Variants in VAT1L observed in about 807,000 individuals in gnomAD.
VAT1L encodes the protein vesicle amine transport 1 like.
A neutral mutation model predicts 44.1 loss-of-function variants in VAT1L; 34 were observed. The ratio of observed to expected loss-of-function variants is 0.77; its 90% CI spans 0.59 to 1.03. VAT1L has a LOEUF of 1.03. Ranked by LOEUF, VAT1L falls within the 50% of genes least tolerant of loss-of-function variation. The pLI is 0.00. For missense variants in VAT1L, 615 were observed against 538.8 expected, an observed-to-expected ratio of 1.14 and a Z score of -1.40; for synonymous variants, 253 against 202.2, an observed-to-expected ratio of 1.25 and a Z score of -2.13.
At position 77,879,658 on chromosome 16, in the gene VAT1L, G is replaced by A. The variant is rs2017129068; in HGVS notation, c.882+434G>A. Among the ~76,000 whole-genome samples the A allele has an allele frequency of 6.6e-6, 1 of 152,146 alleles. No individual in the cohort carries two copies. The highest frequency in any genetic ancestry group is 6.6e-5 in the Admixed American group (1 of 15,262). ...TCCTCGTTCATTTCCCATAAAACCT[G>A]CACTCCTGCCCTATTCCCTGCAAAT... On this transcript the variant is annotated intron_variant, in intron 6 of 8. Coordinates refer to ENST00000302536, the MANE Select transcript of VAT1L (RefSeq NM_020927.3). The surrounding 1 kb of genome is among the most constrained non-coding windows in gnomAD (Gnocchi z 4.1).
chr16:77,870,234 A>G (rs2017017400), intron 4 of VAT1L, among the ~76,000 whole-genome samples: 1 of 152,188 alleles, frequency 6.6e-6, no homozygotes, highest in Non-Finnish European at 1.5e-5. Context: ...TAAGAAGCCT[A>G]TCGCGTACCA....
intron 7 of VAT1L, among the ~76,000 whole-genome samples, chr16:77,906,212 T>C (rs149294894): frequency 2.6e-5 from 4 of 152,326 alleles, no homozygotes; most frequent in African/African-American, 9.6e-5. Flanking sequence ...TGTTTTAATG[T>C]TGAGAGCCTG....
At chr16:77,856,476 T>A (rs1270580065) in intron 3 of VAT1L, among the ~76,000 whole-genome samples, 1 of 152,152 alleles carries the variant, frequency 6.6e-6, no homozygotes, top group African/African-American at 2.4e-5. Flanking sequence ...CCTTACTCAG[T>A]ACTTAATATG....
At chr16:77,829,187 A>G (rs1287207518) in intron 3 of VAT1L, among the ~76,000 whole-genome samples, 1 of 152,194 alleles carries the variant, frequency 6.6e-6, no homozygotes, top group Non-Finnish European at 1.5e-5. Flanking sequence ...TTTAACAAAT[A>G]TTTGTTCAAC....
intron 7 of VAT1L, among the ~76,000 whole-genome samples, chr16:77,965,218 GAACA>G (rs111885901): frequency 6.6e-6 from 1 of 152,128 alleles, no homozygotes; most frequent in Non-Finnish European, 1.5e-5. Flanking sequence ...TTGAATGACT[GAACA>G]AATAAATAAA....
chr16:77,877,830 G>T (rs1426054564), intron 5 of VAT1L, among the ~76,000 whole-genome samples: 1 of 152,174 alleles, frequency 6.6e-6, no homozygotes, highest in African/African-American at 2.4e-5. Flanking sequence ...CTCACCAGAG[G>T]CAGGTAAACA....
At chr16:77,953,526 A>C (rs2018068146) in intron 7 of VAT1L, among the ~76,000 whole-genome samples, 1 of 151,668 alleles carries the variant, frequency 6.6e-6, no homozygotes, top group Middle Eastern at 3.4e-3. Context: ...ACCTATTTAC[A>C]TTTCTTTTTG....
intron 7 of VAT1L, among the ~76,000 whole-genome samples, chr16:77,954,913 T>C (rs1380548283): frequency 6.6e-6 from 1 of 152,230 alleles, no homozygotes; most frequent in Non-Finnish European, 1.5e-5. Context: ...TTTTACTTTT[T>C]TTAAAGATCA....
chr16:77,902,966 CTG>C (rs1375518616), intron 7 of VAT1L, among the ~76,000 whole-genome samples: 2 of 117,122 alleles, frequency 1.7e-5, no homozygotes, highest in Non-Finnish European at 3.5e-5. Context: ...GAGGGAGACT[CTG>C]TCTGAAAAAA....
At chr16:77,901,577 G>A (rs1208154957) in intron 7 of VAT1L, among the ~76,000 whole-genome samples, 1 of 152,132 alleles carries the variant, frequency 6.6e-6, no homozygotes, top group Non-Finnish European at 1.5e-5. Flanking sequence ...CTCTTACTTA[G>A]TCTCCTCTCA....
At chr16:77,799,207 G>C (rs1341192777) in intron 1 of VAT1L, among the ~76,000 whole-genome samples, 1 of 147,902 alleles carries the variant, frequency 6.8e-6, no homozygotes, top group East Asian at 2.0e-4. Flanking sequence ...TCCTCTCCCG[G>C]TCCTCCTCCT....
intron 2 of VAT1L, among the ~76,000 whole-genome samples, chr16:77,824,141 A>G (rs1167455089): frequency 6.6e-6 from 1 of 152,232 alleles, no homozygotes; most frequent in Non-Finnish European, 1.5e-5. Flanking sequence ...GTCCTAAAGG[A>G]AGGACAGAAG....
At chr16:77,788,962 G>A (rs1424615944) in intron 1 of VAT1L, 47 bp downstream of exon 1, 2 of 1,435,406 alleles carry the variant, frequency 1.4e-6, no homozygotes, top group Middle Eastern at 1.8e-4. Context: ...TGCGCGCTGG[G>A]CGCTGGGGAG....
At chr16:77,871,872 A>G (rs2017036735) in intron 4 of VAT1L, among the ~76,000 whole-genome samples, 1 of 152,080 alleles carries the variant, frequency 6.6e-6, no homozygotes, top group South Asian at 2.1e-4. Flanking sequence ...TGGTGTCTCC[A>G]CCCACCCTGA....
chr16:77,837,810 G>T (rs1296026934), intron 3 of VAT1L, among the ~76,000 whole-genome samples: 1 of 152,146 alleles, frequency 6.6e-6, no homozygotes, highest in Non-Finnish European at 1.5e-5. Flanking sequence ...ATTTTAAAAA[G>T]GGGGTCTTGT....
chr16:77,890,068 C>G (rs773480153), intron 7 of VAT1L, among the ~76,000 whole-genome samples: 21 of 152,116 alleles, frequency 1.4e-4, no homozygotes, highest in African/African-American at 2.4e-4. Flanking sequence ...GCCTGGGCAA[C>G]AGAGCAAGAC....
rs150850667 is a variant in VAT1L, at chr16:77,901,721, C to A, written c.1077+16919C>A. On this transcript the variant is annotated intron_variant, in intron 7 of 8. Transcript: ENST00000302536. The stretch of plus-strand genomic sequence containing the variant: ...CCACTTGGCATCAGATCTCTCTCAG[C>A]ACAACATCCCACTCCCACTCAATCA... 5.5e-3 allele frequency among the ~76,000 whole-genome samples: 840 copies of A among 152,262 alleles called. 13 individuals carry two copies. Among genetic ancestry groups the A allele is most frequent in the African/African-American group, 0.02 (811 of 41,542 alleles).
At chr16:77,943,466 C>T (rs568267072) in intron 7 of VAT1L, among the ~76,000 whole-genome samples, 1 of 148,162 alleles carries the variant, frequency 6.7e-6, no homozygotes, top group African/African-American at 2.5e-5. Flanking sequence ...GCGGCACCAT[C>T]ACGGCTCACT....
At chr16:77,889,639 G>A (rs1448914293) in intron 7 of VAT1L, among the ~76,000 whole-genome samples, 1 of 152,192 alleles carries the variant, frequency 6.6e-6, no homozygotes, top group East Asian at 1.9e-4. Flanking sequence ...ATCTACAGTA[G>A]TCATAGACAA....
Sources: gnomAD v4.1 joint callset for allele counts (sites outside exome capture counted in the v4.1 genomes callset) on GRCh38, gnomAD v4.1.1 for gene constraint, Gnocchi (gnomAD v3.1) non-coding constraint, MANE v1.5 for transcripts, NCBI Gene and HGNC (gene_info 2026-07-23, HGNC 2026-07-21) for gene names.